Variants in SLC46A2 observed in about 807,000 individuals in gnomAD.
The protein encoded by SLC46A2 is solute carrier family 46 member 2.
SLC46A2 carries 25 observed loss-of-function variants against 33.1 expected under a neutral mutation model. The ratio of observed to expected loss-of-function variants is 0.76; its 90% CI spans 0.55 to 1.06. The LOEUF (loss-of-function observed/expected upper bound fraction) is 1.06. Among genes scored for constraint, SLC46A2 ranks in the 50% least tolerant of loss-of-function variants. The pLI, the probability that SLC46A2 is intolerant of heterozygous loss-of-function variation, is 0.00. For missense variants in SLC46A2, 622 were observed against 621.7 expected (o/e 1.00, Z 0.00); for synonymous variants, 254 against 275.9 (o/e 0.92, Z 0.79).
intron 1 of SLC46A2, among the ~76,000 whole-genome samples, chr9:112,887,946 T>A (rs4979179): frequency 0.36 from 49,781 of 139,102 alleles, 9,285 homozygotes; most frequent in Middle Eastern, 0.46. Context: ...TGTGTGTGTG[T>A]GAGAGAGAGA....
chr9:112,879,973 C>G (rs1841557870), intron 3 of SLC46A2, 154 bp from the exon 4 acceptor site: 2 of 575,962 alleles, frequency 3.5e-6, no homozygotes, highest in Non-Finnish European at 3.2e-6. Flanking sequence ...TGTGACCCAT[C>G]TCCCTGCAGC....
rs1267030306 is a variant in SLC46A2 at position 112,890,105 on chromosome 9, G to T, written c.577C>A (p.His193Asn). 3.7e-6 allele frequency: 6 copies of T among 1,613,422 alleles called. No homozygotes were observed. In the East Asian group the frequency reaches 8.9e-5, roughly 24 times the overall value. The change falls in exon 1 of 4, where the codon CAT becomes AAT. Residue 193 changes from histidine (H) to asparagine (N), a missense_variant. His to Asn is a moderately conservative substitution (Grantham distance 68). Transcript: ENST00000374228. This position sits in a 1 kb window ranked among gnomAD's most constrained non-coding sequence, Gnocchi z 6.0. The part of the protein sequence containing the change: ...AGFCGSMASG[H>N]LFKQMAGHSG... ...TGCCCAGCCATCTGCTTGAAGAGAT[G>T]CCCGGAAGCCATGCTCCCGCAGAAC...
At chr9:112,883,201 C>G (rs1841602768) in intron 3 of SLC46A2, among the ~76,000 whole-genome samples, 2 of 152,118 alleles carry the variant, frequency 1.3e-5, no homozygotes, top group South Asian at 4.1e-4. Context: ...ACAGCACGTG[C>G]AGACCTGCCT....
At position 112,889,948 on chromosome 9, in the gene SLC46A2, G is replaced by C; in HGVS notation, c.734C>G (p.Thr245Ser). The change falls in exon 1 of 4, where the codon ACC (threonine) becomes AGC (serine). Residue 245 changes from threonine to serine, a missense_variant. Physicochemically the swap from Thr to Ser is moderately conservative, Grantham distance 58. Coordinates refer to ENST00000374228, the MANE Select transcript of SLC46A2 (RefSeq NM_033051.4). Reference sequence around the variant, plus strand: ...GTATGTGCCAACCGTGCCAGACACGGTATCCACGGCGGGGAGCTCCTGGCT... The same window carrying C: ...GTATGTGCCAACCGTGCCAGACACGCTATCCACGGCGGGGAGCTCCTGGCT... ...KPSQELPAVDTVSGTVGTYRT... is the reference protein window; with the variant it reads ...KPSQELPAVDSVSGTVGTYRT... The C allele has an allele frequency of 6.2e-7, 1 of 1,614,230 alleles. No individual in the cohort carries two copies. The highest frequency in any genetic ancestry group is 1.1e-5 in the South Asian group (1 of 91,084).
In SLC46A2 at chr9:112,887,406, G is replaced by A. The variant is rs1328770823; in HGVS notation, c.1137C>T (p.Ala379=). Residue 379 remains alanine, a synonymous_variant, in exon 2 of 4, where the codon GCC becomes GCT. Coordinates refer to ENST00000374228, the MANE Select transcript of SLC46A2 (RefSeq NM_033051.4). ...CGGGGATGAGAGCAAACAGCATGAC[G>A]GCTCGAGCTGAAAGAGATCACACAA... ...KETYMFYIAR[A]VMLFALIPVT... 13 of 1,607,942 alleles carry A rather than the reference G, an allele frequency of 8.1e-6. 1 individual carries two copies. Among genetic ancestry groups the A allele is most frequent in the Middle Eastern group, 3.3e-4 (2 of 6,054 alleles).
At position 112,890,180 on chromosome 9, in the gene SLC46A2, G is replaced by T. The variant is rs777593463; in HGVS notation, c.502C>A (p.Arg168Ser). 2 of 1,613,000 alleles carry T rather than the reference G, an allele frequency of 1.2e-6. No homozygotes were observed. Among genetic ancestry groups the T allele is most frequent in the South Asian group, 2.2e-5 (2 of 91,070 alleles). Residue 168 changes from arginine (R) to serine (S), a missense_variant, in exon 1 of 4, where the codon CGC (arginine) becomes AGC (serine). Physicochemically the swap from Arg to Ser is moderately radical, Grantham distance 110. Transcript: ENST00000374228. This position sits in a 1 kb window ranked among gnomAD's most constrained non-coding sequence, Gnocchi z 6.0. ...ALGSLGSSEGRRSVRLILIDL... is the reference protein window; with the variant it reads ...ALGSLGSSEGSRSVRLILIDL... Reference sequence around the variant, plus strand: ...ATGAGGATGAGGCGCACAGAGCGGCGGCCCTCGGAGGAGCCCAGCGATCCC... The same window carrying T: ...ATGAGGATGAGGCGCACAGAGCGGCTGCCCTCGGAGGAGCCCAGCGATCCC...
intron 3 of SLC46A2, 82 bp downstream of exon 3, chr9:112,886,378 T>A (rs1841642190): frequency 6.9e-7 from 1 of 1,445,100 alleles, no homozygotes; most frequent in Non-Finnish European, 9.7e-7. Context: ...AATGCAGTGA[T>A]GGTGGGCTGG....
Position 112,890,848 on chromosome 9 carries a change from C to G in SLC46A2, c.-167G>C. ...GCGCCGGGAGCGCGCCGGCCAGTGGCGAGCAGAGCCAGGGCACGCAGCGCC... is the reference window on the plus strand; with the variant it reads ...GCGCCGGGAGCGCGCCGGCCAGTGGGGAGCAGAGCCAGGGCACGCAGCGCC... On this transcript the variant is annotated 5_prime_UTR_variant, in exon 1 of 4. Coordinates refer to ENST00000374228, the MANE Select transcript of SLC46A2 (RefSeq NM_033051.4). This position sits in a 1 kb window ranked among gnomAD's most constrained non-coding sequence, Gnocchi z 6.0. 1 of 810,146 alleles carries G rather than the reference C, an allele frequency of 1.2e-6. No individual in the cohort carries two copies. The highest frequency in any genetic ancestry group is 1.8e-6 in the Non-Finnish European group (1 of 542,470). 50.2% of individuals were successfully genotyped at this position (810,146 alleles called of 1,614,324 possible).
intron 1 of SLC46A2, among the ~76,000 whole-genome samples, chr9:112,888,231 C>G (rs139477762): frequency 6.6e-6 from 1 of 152,152 alleles, no homozygotes; most frequent in African/African-American, 2.4e-5. Flanking sequence ...GAGCCGAGAT[C>G]GTACCATCGC....
At chr9:112,889,105 G>C (rs1841687263) in intron 1 of SLC46A2, among the ~76,000 whole-genome samples, 1 of 152,072 alleles carries the variant, frequency 6.6e-6, no homozygotes, top group African/African-American at 2.4e-5. Context: ...TGGCCAGGCT[G>C]GTCTTGAACT....
intron 3 of SLC46A2, among the ~76,000 whole-genome samples, chr9:112,883,241 A>T (rs920169721): frequency 1.4e-4 from 22 of 151,998 alleles, no homozygotes; most frequent in Admixed American, 4.6e-4. Context: ...AGAGAAGGAG[A>T]GACGGAGGAA....
chr9:112,881,936 G>T (rs564127184), intron 3 of SLC46A2, among the ~76,000 whole-genome samples: 2 of 152,302 alleles, frequency 1.3e-5, no homozygotes, highest in Admixed American at 1.3e-4. Flanking sequence ...ACAACTAGTT[G>T]GGTGGGAAAA....
intron 3 of SLC46A2, among the ~76,000 whole-genome samples, chr9:112,886,183 C>T (rs548586504): frequency 3.5e-4 from 53 of 152,248 alleles, no homozygotes; most frequent in African/African-American, 1.2e-3. Flanking sequence ...AGGAAGTATA[C>T]GGAACTCATG....
intron 3 of SLC46A2, among the ~76,000 whole-genome samples, chr9:112,884,789 A>T (rs1366850010): frequency 6.6e-6 from 1 of 152,228 alleles, no homozygotes; most frequent in Non-Finnish European, 1.5e-5. Context: ...TATGACACAC[A>T]TGAACTAGTA....
At position 112,890,717 on chromosome 9, in the gene SLC46A2, CT is replaced by C. The variant is rs1255122285; in HGVS notation, c.-37del. 6.4e-7 allele frequency: 1 copy of C among 1,561,860 alleles called. No individual in the cohort carries two copies. The highest frequency in any genetic ancestry group is 8.6e-7 in the Non-Finnish European group (1 of 1,160,754). ...TGATGGGGATCGAAGGGCTTTCTGG[CT>C]GCAGTGACAAGGATATGCTCCCAAA... On this transcript the variant is annotated 5_prime_UTR_variant, in exon 1 of 4. Coordinates refer to ENST00000374228, the MANE Select transcript of SLC46A2 (RefSeq NM_033051.4). This position sits in a 1 kb window ranked among gnomAD's most constrained non-coding sequence, Gnocchi z 6.0.
chr9:112,881,897 T>G (rs1276594255), intron 3 of SLC46A2, among the ~76,000 whole-genome samples: 1 of 152,110 alleles, frequency 6.6e-6, no homozygotes, highest in Non-Finnish European at 1.5e-5. Flanking sequence ...GAAAATTCTC[T>G]TTGAGAAAAT....
chr9:112,882,445 G>A (rs62577669), intron 3 of SLC46A2, among the ~76,000 whole-genome samples: 9,513 of 152,206 alleles, frequency 0.063, 381 homozygotes, highest in Non-Finnish European at 0.093. Flanking sequence ...TGAAAGCCAA[G>A]TGCAGGGCTT....
At chr9:112,882,765 CAGG>C (rs775877642) in intron 3 of SLC46A2, among the ~76,000 whole-genome samples, 102 of 152,128 alleles carry the variant, frequency 6.7e-4, no homozygotes, top group South Asian at 1.2e-3. Flanking sequence ...ATTGGAAAGA[CAGG>C]AGTGTTAGCA....
chr9:112,890,640 A>G lies in SLC46A2; in HGVS notation c.42T>C (p.Pro14=), dbSNP rs1051300116. The G allele has an allele frequency of 6.2e-7, 1 of 1,601,612 alleles. No individual in the cohort carries two copies. The highest frequency in any genetic ancestry group is 8.5e-7 in the Non-Finnish European group (1 of 1,179,866). Residue 14 remains proline (P), a synonymous_variant, in exon 1 of 4, where the codon CCT becomes CCC. Coordinates refer to ENST00000374228, the MANE Select transcript of SLC46A2 (RefSeq NM_033051.4). The surrounding 1 kb of genome is among the most constrained non-coding windows in gnomAD (Gnocchi z 6.0). ...EVTCPRRGHL[P]RFHPRTWVEP... ...CAACCCAGGTCCTCGGGTGGAAGCG[A>G]GGCAGGTGGCCCCTCCGCGGGCAGG...
Sources: allele counts gnomAD v4.1 joint callset (sites outside exome capture counted in the v4.1 genomes callset), GRCh38; gene constraint gnomAD v4.1.1; non-coding constraint Gnocchi (gnomAD v3.1); transcripts MANE v1.5; gene names NCBI Gene and HGNC (gene_info 2026-07-23, HGNC 2026-07-21).